The following BAHCC1 variants were observed in gnomAD, a reference collection of about 807,000 sequenced individuals.
The protein encoded by BAHCC1 is BAH domain and coiled-coil containing 1.
BAHCC1 carries 43 observed loss-of-function variants against 88.2 expected under a neutral mutation model. The observed-to-expected ratio is 0.49, with a 90% CI of 0.38 to 0.63. The LOEUF (loss-of-function observed/expected upper bound fraction) is 0.63. BAHCC1 is among the 20% of genes least tolerant of loss of function. The pLI, the probability that BAHCC1 is intolerant of heterozygous loss-of-function variation, is 0.00. For missense variants in BAHCC1, 3,023 were observed against 1,654.8 expected, an observed-to-expected ratio of 1.83 and a Z score of -14.34; for synonymous variants, 1,510 against 745.5, an observed-to-expected ratio of 2.03 and a Z score of -16.71.
chr17:81,426,309 G>T (rs1327499653), intron 2 of BAHCC1, among the ~76,000 whole-genome samples: 7,022 of 122,640 alleles, frequency 0.057, 35 homozygotes, highest in Middle Eastern at 0.083. Flanking sequence ...GGTTGGGGGT[G>T]ATAGTGGTGG....
intron 22 of BAHCC1, 73 bp downstream of exon 22, chr17:81,459,401 T>C: frequency 1.3e-6 from 1 of 756,898 alleles, no homozygotes; most frequent in South Asian, 1.4e-5. Flanking sequence ...GGCCTTGGCC[T>C]GGGCCGCAGC....
At chr17:81,395,885 C>A (rs568772322) in intron 1 of BAHCC1, 1 of 151,536 alleles carries the variant, frequency 6.6e-6, no homozygotes, top group Non-Finnish European at 1.5e-5. Flanking sequence ...TTTAAAATTA[C>A]CCCCGTAATG....
At chr17:81,410,397 C>T (rs957825542) in intron 2 of BAHCC1, among the ~76,000 whole-genome samples, 31 of 152,202 alleles carry the variant, frequency 2.0e-4, no homozygotes, top group Admixed American at 1.8e-3. Flanking sequence ...TTAGTCTGGC[C>T]GTAGAACTAG....
In BAHCC1 at chr17:81,411,259, C is replaced by G; in HGVS notation, c.178+11342C>G. Reference sequence around the variant, plus strand: ...TCGCCACCCCCAGTTGAGCAGCTCCCCTTCTCGGCAGCTCCCAAACCCTGA... The same window carrying G: ...TCGCCACCCCCAGTTGAGCAGCTCCGCTTCTCGGCAGCTCCCAAACCCTGA... On this transcript the variant is annotated intron_variant, in intron 2 of 27. Coordinates refer to ENST00000675386, the MANE Select transcript of BAHCC1 (RefSeq NM_001377448.1). The surrounding 1 kb of genome is among the most constrained non-coding windows in gnomAD (Gnocchi z 6.2). 1 of 488,456 alleles carries G rather than the reference C, an allele frequency of 2.0e-6. No individual in the cohort carries two copies. The highest frequency in any genetic ancestry group is 5.9e-5 in the East Asian group (1 of 16,902). The allele number at this position is 488,456 out of a possible 1,614,324, so 30.3% of individuals were successfully genotyped here. A position where few individuals can be genotyped will look rare whatever the true frequency, so the allele number is the denominator to read the frequency against.
chr17:81,395,831 G>T (rs2063741233), intron 1 of BAHCC1, 196 bp downstream of exon 1: 1 of 150,306 alleles, frequency 6.7e-6, no homozygotes, highest in African/African-American at 2.5e-5. Flanking sequence ...AAAAAATATG[G>T]ACTATGAGCG....
intron 2 of BAHCC1, among the ~76,000 whole-genome samples, chr17:81,405,794 A>T (rs2063871151): frequency 6.6e-6 from 1 of 152,100 alleles, no homozygotes; most frequent in Non-Finnish European, 1.5e-5. Flanking sequence ...AACAAATGGG[A>T]CCTGTCCTCT....
chr17:81,410,854 G>A (rs1434347524), intron 2 of BAHCC1, among the ~76,000 whole-genome samples: 1 of 152,200 alleles, frequency 6.6e-6, no homozygotes, highest in Non-Finnish European at 1.5e-5. Flanking sequence ...GGGGCTCTCT[G>A]CCTGGGGTTG....
chr17:81,447,529 G>C lies in BAHCC1; in HGVS notation c.3657G>C (p.Gln1219His). Residue 1219 changes from glutamine to histidine, a missense_variant, in exon 11 of 28, where the codon CAG (glutamine) becomes CAC (histidine). Physicochemically the swap from Gln to His is conservative, Grantham distance 24. Coordinates refer to ENST00000675386, the MANE Select transcript of BAHCC1 (RefSeq NM_001377448.1). ...GTGCCCTTGAGGACGAGGGGGAGCA[G>C]CCGGCCCCTGAGGAGGACGAGCTGG... is the stretch of plus-strand genomic sequence containing the variant. ...SPGALEDEGEQPAPEEDELEE... is the reference protein window; with the variant it reads ...SPGALEDEGEHPAPEEDELEE... 1 of 753,452 alleles carries C rather than the reference G, an allele frequency of 1.3e-6. No individual in the cohort carries two copies. Among genetic ancestry groups the C allele is most frequent in the Non-Finnish European group, 2.5e-6 (1 of 405,294 alleles). 46.7% of individuals were successfully genotyped at this position (753,452 alleles called of 1,614,324 possible). A position where few individuals can be genotyped will look rare whatever the true frequency, so the allele number is the denominator to read the frequency against.
intron 3 of BAHCC1, among the ~76,000 whole-genome samples, chr17:81,436,379 C>G (rs540274758): frequency 6.6e-6 from 1 of 152,364 alleles, no homozygotes; most frequent in African/African-American, 2.4e-5. Flanking sequence ...CTGCTCCCCG[C>G]AGAGAGCGGA....
At chr17:81,425,245 ATAG>A (rs1200983980) in intron 2 of BAHCC1, among the ~76,000 whole-genome samples, 1 of 25,338 alleles carries the variant, frequency 3.9e-5, no homozygotes, top group Non-Finnish European at 7.0e-5. Flanking sequence ...GTTGGGGGTG[ATAG>A]TGGTGATGAT....
intron 2 of BAHCC1, chr17:81,413,103 G>T: frequency 2.2e-6 from 1 of 445,642 alleles, no homozygotes; most frequent in Non-Finnish European, 4.5e-6. Flanking sequence ...AGGGTCCAGG[G>T]TTATCAGGGC....
chr17:81,455,176 C>G (rs2064723994), intron 14 of BAHCC1, 91 bp from the exon 15 acceptor site: 1 of 661,750 alleles, frequency 1.5e-6, no homozygotes. Context: ...GAGGGTGACC[C>G]ACAGTGTGAC....
At position 81,442,653 on chromosome 17, in the gene BAHCC1, C is replaced by T; in HGVS notation, c.1304C>T (p.Ala435Val). The T allele has an allele frequency of 1.3e-6, 1 of 775,784 alleles. No individual in the cohort carries two copies. Among genetic ancestry groups the T allele is most frequent in the Non-Finnish European group, 2.4e-6 (1 of 416,240 alleles). 48.1% of individuals were successfully genotyped at this position (775,784 alleles called of 1,614,324 possible). Residue 435 changes from alanine to valine, a missense_variant, in exon 5 of 28, where the codon GCA becomes GTA. By Grantham distance (64) the Ala-to-Val change is moderately conservative (BLOSUM62 0). Transcript: ENST00000675386. Reference protein sequence around the residue: ...LEGTMAPDHAAPYGVSYAHLK... With the variant: ...LEGTMAPDHAVPYGVSYAHLK... ...GGAACCATGGCCCCCGACCACGCTG[C>T]ACCCTATGGAGTCTCCTATGCCCAC...
intron 11 of BAHCC1, among the ~76,000 whole-genome samples, chr17:81,449,475 G>A (rs955652096): frequency 3.3e-5 from 5 of 152,194 alleles, no homozygotes; most frequent in East Asian, 1.9e-4. Flanking sequence ...CATCGGGGCC[G>A]GGCAAGCATA....
chr17:81,442,285 G>C lies in BAHCC1; in HGVS notation c.936G>C (p.Thr312=). 1.6e-6 allele frequency: 1 copy of C among 626,574 alleles called. No individual in the cohort carries two copies. Among genetic ancestry groups the C allele is most frequent in the Non-Finnish European group, 2.9e-6 (1 of 349,840 alleles). 38.8% of individuals were successfully genotyped at this position (626,574 alleles called of 1,614,324 possible). A position where few individuals can be genotyped will look rare whatever the true frequency, so the allele number is the denominator to read the frequency against. ...CAGGMLGRPG[T]GVVTSGRCAK... The stretch of plus-strand genomic sequence containing the variant: ...GGGGCATGCTGGGGCGGCCTGGCAC[G>C]GGGGTGGTGACCTCCGGGCGCTGTG... Residue 312 remains threonine (T), a synonymous_variant, in exon 5 of 28, where the codon ACG becomes ACC. Transcript: ENST00000675386.
Position 81,461,882 on chromosome 17 carries a change from A to G in BAHCC1, c.7219A>G (p.Ser2407Gly). 4.1e-6 allele frequency: 3 copies of G among 727,478 alleles called. No individual in the cohort carries two copies. Among genetic ancestry groups the G allele is most frequent in the South Asian group, 2.9e-5 (2 of 68,352 alleles). 45.1% of individuals were successfully genotyped at this position (727,478 alleles called of 1,614,324 possible). A position where few individuals can be genotyped will look rare whatever the true frequency, so the allele number is the denominator to read the frequency against. Residue 2407 changes from serine (S) to glycine (G), a missense_variant, in exon 26 of 28, where the codon AGC becomes GGC. Transcript: ENST00000675386. ...TGGCACCGGTGCGGGCTCAGGCCCC[A>G]GCAGCAGCAGCAAATCCAAGCTCAA... Reference protein sequence around the residue: ...VAGTGAGSGPSSSSKSKLKRK... With the variant: ...VAGTGAGSGPGSSSKSKLKRK...
chr17:81,425,937 TTGGTGATGTGGTTGG>T (rs1246776889), intron 2 of BAHCC1, among the ~76,000 whole-genome samples: 24 of 141,846 alleles, frequency 1.7e-4, no homozygotes, highest in Middle Eastern at 3.9e-3. Context: ...CATGATGTGA[TTGGTGATGTGGTTGG>T]TGGTGATGTG....
rs372977595 is a variant in BAHCC1, at chr17:81,441,867, C to T, written c.518C>T (p.Thr173Met). The change falls in exon 5 of 28, where the codon ACG becomes ATG. Residue 173 changes from threonine to methionine, a missense_variant. Physicochemically the swap from Thr to Met is moderately conservative, Grantham distance 81. Transcript: ENST00000675386. ...FYLRNLPPQP[T>M]LLPANHNFPS... ...CTGCGCAACCTGCCGCCCCAGCCCA[C>T]GCTGCTGCCGGCCAACCACAACTTC... is the stretch of plus-strand genomic sequence containing the variant. 32 of 666,936 alleles carry T rather than the reference C, an allele frequency of 4.8e-5. No individual in the cohort carries two copies. In the East Asian group the frequency reaches 7.3e-4, roughly 15 times the overall value. The allele number at this position is 666,936 out of a possible 1,614,324, so 41.3% of individuals were successfully genotyped here.
At chr17:81,412,980 G>A (rs1598458671) in intron 2 of BAHCC1, 1 of 289,700 alleles carries the variant, frequency 3.5e-6, no homozygotes, top group Non-Finnish European at 7.2e-6. Context: ...CGGTGCGGGT[G>A]CGGCCTCACC....
Sources: allele counts gnomAD v4.1 joint callset (sites outside exome capture counted in the v4.1 genomes callset), GRCh38; gene constraint gnomAD v4.1.1; non-coding constraint Gnocchi (gnomAD v3.1); transcripts MANE v1.5; gene names NCBI Gene and HGNC (gene_info 2026-07-23, HGNC 2026-07-21).